The following TKTL1 variants were observed in gnomAD, a reference collection of about 807,000 sequenced individuals.
TKTL1 encodes the protein transketolase-like protein 1.
In TKTL1, 1 loss-of-function variant was observed where a neutral mutation model predicts 39.3. The ratio of observed to expected loss-of-function variants is 0.03; its 90% CI spans 0.01 to 0.12. TKTL1 has a LOEUF of 0.12. TKTL1 is among the 10% of genes least tolerant of loss of function. TKTL1 has a pLI of 1.00. For synonymous variants in TKTL1, 262 were observed against 193.8 expected (o/e 1.35, Z -2.92); for missense variants, 575 against 509.6 (o/e 1.13, Z -1.24).
At chrX:154,300,689 G>T (rs2067266794) in intron 1 of TKTL1, among the ~76,000 whole-genome samples, 1 of 107,606 alleles carries the variant, frequency 9.3e-6, no homozygotes, top group Non-Finnish European at 1.9e-5. Flanking sequence ...TTAGGATTTT[G>T]TTTGTTTGTG....
At chrX:154,310,386 G>T (rs1269901693) in intron 3 of TKTL1, among the ~76,000 whole-genome samples, 2 of 112,070 alleles carry the variant, frequency 1.8e-5, no homozygotes, top group Non-Finnish European at 3.8e-5. Context: ...AGTGAGCCAA[G>T]ATCACGCCAC....
chrX:154,311,551 G>A (rs1176263957), intron 5 of TKTL1, among the ~76,000 whole-genome samples: 1 of 111,324 alleles, frequency 9.0e-6, no homozygotes, highest in Non-Finnish European at 1.9e-5. Flanking sequence ...AGCGTGCTGT[G>A]TGTATGAGCA....
chrX:154,305,135 C>T (rs781931520), intron 1 of TKTL1, 169 bp from the exon 2 acceptor site: 90 of 1,165,385 alleles, frequency 7.7e-5, no homozygotes, highest in East Asian at 6.0e-4. Flanking sequence ...GTGAGCTTAC[C>T]GGGCTTTAAA....
At chrX:154,312,830 A>G (rs1569550947) in intron 6 of TKTL1, 57 bp downstream of exon 6, 1 of 1,071,888 alleles carries the variant, frequency 9.3e-7, no homozygotes, top group African/African-American at 1.8e-5. Context: ...TTTGTTCTCT[A>G]ATGTTGTTCG....
At chrX:154,304,873 C>G in intron 1 of TKTL1, 1 of 531,261 alleles carries the variant, frequency 1.9e-6, no homozygotes, top group Non-Finnish European at 2.8e-6. Context: ...GCCTCAGTTA[C>G]TCTACCATGA....
intron 1 of TKTL1, among the ~76,000 whole-genome samples, chrX:154,302,036 TTGGCATTTG>T (rs1256785395): frequency 9.0e-6 from 1 of 110,924 alleles, no homozygotes; most frequent in African/African-American, 3.3e-5. Context: ...TTGCCGGCTA[TTGGCATTTG>T]TGTCATCACA....
Position 154,295,796 on chromosome X carries a change from C to T in TKTL1, c.-64C>T. 2.0e-5 allele frequency: 23 copies of T among 1,174,281 alleles called. No homozygotes were observed. Among genetic ancestry groups the T allele is most frequent in the Non-Finnish European group, 2.6e-5 (23 of 871,647 alleles). On this transcript the variant is annotated 5_prime_UTR_variant, in exon 1 of 13. Transcript: ENST00000369915. ...AAACGCACTGGGCAGCTCGCAGGCG[C>T]CATTCGCTCTTCAGACGCCGGAGAC...
intron 7 of TKTL1, among the ~76,000 whole-genome samples, chrX:154,319,732 C>T (rs2148077685): frequency 1.1e-5 from 1 of 91,119 alleles, no homozygotes; most frequent in Non-Finnish European, 2.1e-5. Flanking sequence ...GAGCAAGACC[C>T]TGTCTAAAAA....
intron 6 of TKTL1, 129 bp downstream of exon 6, chrX:154,312,902 A>G (rs1467007621): frequency 7.9e-6 from 5 of 629,780 alleles, no homozygotes; most frequent in Admixed American, 7.9e-5. Context: ...CTAGAGTGAC[A>G]TGTAACTAAC....
chrX:154,310,764 C>T, intron 3 of TKTL1, 72 bp from the exon 4 acceptor site: 2 of 957,349 alleles, frequency 2.1e-6, no homozygotes, highest in East Asian at 6.2e-5. Flanking sequence ...CGTTTCTCCT[C>T]CTGAAATGCA....
At position 154,329,986 on chromosome X, in the gene TKTL1, T is replaced by C. The variant is rs1205416534; in HGVS notation, c.*298T>C. 4.3e-6 allele frequency: 1 copy of C among 230,214 alleles called. No individual in the cohort carries two copies. The highest frequency in any genetic ancestry group is 7.8e-6 in the Non-Finnish European group (1 of 128,253). The allele number at this position is 230,214 out of a possible 1,213,427, so 19.0% of individuals were successfully genotyped here. A position where few individuals can be genotyped will look rare whatever the true frequency, so the allele number is the denominator to read the frequency against. On this transcript the variant is annotated 3_prime_UTR_variant, in exon 13 of 13. Coordinates refer to ENST00000369915, the MANE Select transcript of TKTL1 (RefSeq NM_012253.4). ...GTTTTCTGATAAGACTATAGATAAG[T>C]GGTAGAGGTAATCAATTCTTCCGAA...
intron 1 of TKTL1, among the ~76,000 whole-genome samples, chrX:154,299,103 TC>T (rs782095677): frequency 1.8e-5 from 2 of 110,412 alleles, no homozygotes; most frequent in Non-Finnish European, 3.8e-5. Flanking sequence ...ATTTTGTACT[TC>T]TGTTTTCATT....
chrX:154,297,827 C>G (rs1164006458), intron 1 of TKTL1, among the ~76,000 whole-genome samples: 1 of 111,415 alleles, frequency 9.0e-6, no homozygotes, highest in African/African-American at 3.3e-5. Context: ...GTCCCAGCTA[C>G]GCGGGGGACA....
chrX:154,325,842 G>A (rs1196943552), intron 10 of TKTL1, among the ~76,000 whole-genome samples: 2 of 111,436 alleles, frequency 1.8e-5, no homozygotes, highest in Admixed American at 9.5e-5. Context: ...TAAACTAGCC[G>A]GGTGTGGTGG....
Position 154,299,897 on chromosome X carries a change from CAT to C in TKTL1, c.134+3905_134+3906del, listed in dbSNP as rs782432599. Among the ~76,000 whole-genome samples, 26 of 111,909 alleles carry C rather than the reference CAT, an allele frequency of 2.3e-4. No homozygotes were observed. In the South Asian group the frequency reaches 2.6e-3, roughly 11 times the overall value. On this transcript the variant is annotated intron_variant, in intron 1 of 12. Transcript: ENST00000369915. ...AATTGTGAATTGTGCTGCCTATAAA[CAT>C]GTGTGTGCATGTACCTTTTTCATAT...
Position 154,309,331 on chromosome X carries a change from C to T in TKTL1, c.253-14C>T, listed in dbSNP as rs782758807. 19 of 1,201,103 alleles carry T rather than the reference C, an allele frequency of 1.6e-5. No individual in the cohort carries two copies. Among genetic ancestry groups the T allele is most frequent in the Non-Finnish European group, 2.1e-5 (19 of 885,629 alleles). On this transcript the variant is annotated splice_polypyrimidine_tract_variant and intron_variant, in intron 2 of 12. Transcript: ENST00000369915. Reference sequence around the variant, plus strand: ...GCAGCTGCGTCTGGGCTCACTGGGTCCCTTCTCTTACAGAGACTGTCGTTT... The same window carrying T: ...GCAGCTGCGTCTGGGCTCACTGGGTTCCTTCTCTTACAGAGACTGTCGTTT...
rs781821104 is a variant in TKTL1 at position 154,295,845 on chromosome X, A to C, written c.-15A>C. 2.5e-6 allele frequency: 3 copies of C among 1,207,187 alleles called. No homozygotes were observed. The South Asian group carries it at 5.3e-5, about 21-fold the overall frequency. Reference sequence around the variant, plus strand: ...ACGTAGGAGTGGGTCTTCAGACTCCAAAGGGGTTGGACTAATGGCGGATGC... The same window carrying C: ...ACGTAGGAGTGGGTCTTCAGACTCCCAAGGGGTTGGACTAATGGCGGATGC... On this transcript the variant is annotated 5_prime_UTR_variant, in exon 1 of 13. Transcript: ENST00000369915.
At chrX:154,325,184 C>T (rs933607680) in intron 9 of TKTL1, among the ~76,000 whole-genome samples, 155 bp from the exon 10 acceptor site, 15 of 111,958 alleles carry the variant, frequency 1.3e-4, no homozygotes, top group African/African-American at 3.6e-4. Context: ...TGGGACCTGT[C>T]GTCCACTGGT....
At chrX:154,322,868 C>A (rs1158497089) in intron 8 of TKTL1, among the ~76,000 whole-genome samples, 4 of 111,696 alleles carry the variant, frequency 3.6e-5, no homozygotes, top group Non-Finnish European at 7.5e-5. Flanking sequence ...TGAGGACCTT[C>A]CTAAAGAGAA....
Sources: allele counts gnomAD v4.1 joint callset (sites outside exome capture counted in the v4.1 genomes callset), GRCh38; gene constraint gnomAD v4.1.1; transcripts MANE v1.5; gene names NCBI Gene and HGNC (gene_info 2026-07-23, HGNC 2026-07-21).